Variants in NPIPB2 observed in about 807,000 individuals in gnomAD.
NPIPB2 encodes the protein nuclear pore complex-interacting protein family member B2.
NPIPB2 carries 27 observed loss-of-function variants against 30.8 expected under a neutral mutation model. The ratio of observed to expected loss-of-function variants is 0.88; its 90% CI spans 0.65 to 1.21. The LOEUF is 1.21. Among genes scored for constraint, NPIPB2 ranks in the 50% most tolerant of loss-of-function variants. The pLI, the probability that NPIPB2 is intolerant of heterozygous loss-of-function variation, is 0.00. For synonymous variants in NPIPB2, 147 were observed against 162.0 expected (o/e 0.91, Z 0.70); for missense variants, 440 against 446.2 (o/e 0.99, Z 0.13).
At chr16:11,935,715 G>C (rs2054856623) in intron 2 of NPIPB2, among the ~76,000 whole-genome samples, 1 of 148,184 alleles carries the variant, frequency 6.7e-6, no homozygotes, top group South Asian at 2.2e-4. Context: ...AGAAGCAATG[G>C]GTAATCTAAA....
Position 11,951,625 on chromosome 16 carries a change from T to TACACACACACACACACACACACAC in NPIPB2, c.-583-9535_-583-9512dup, listed in dbSNP as rs1214348316. On this transcript the variant is annotated intron_variant, in intron 1 of 5. Coordinates refer to the NPIPB2 transcript ENST00000538896. The stretch of plus-strand genomic sequence containing the variant: ...TACAGATGGACACTGCACATACACA[T>TACACACACACACACACACACACAC]ACACACACACACACACACACACACA... Among the ~76,000 whole-genome samples, 181 of 95,874 alleles carry TACACACACACACACACACACACAC rather than the reference T, an allele frequency of 1.9e-3. 2 individuals are homozygous for TACACACACACACACACACACACAC. The highest frequency in any genetic ancestry group is 8.0e-3 in the African/African-American group (172 of 21,562). 62.9% of individuals were successfully genotyped at this position (95,874 alleles called of 152,430 possible). A position where few individuals can be genotyped will look rare whatever the true frequency, so the allele number is the denominator to read the frequency against.
At chr16:11,936,062 G>T (rs3971903) in intron 2 of NPIPB2, among the ~76,000 whole-genome samples, 3 of 149,542 alleles carry the variant, frequency 2.0e-5, no homozygotes, top group African/African-American at 4.9e-5. Context: ...CCCAGCACTT[G>T]GGGAGGCTGA....
upstream of NPIPB2, among the ~76,000 whole-genome samples, chr16:11,943,572 C>A (rs1249842644): frequency 6.6e-6 from 1 of 151,152 alleles, no homozygotes; most frequent in Non-Finnish European, 1.5e-5. Context: ...CATGGTGGCA[C>A]ACGCCTGTAA....
intron 1 of NPIPB2, chr16:11,963,815 C>T (rs2055172456): frequency 6.6e-6 from 1 of 151,734 alleles, no homozygotes; most frequent in Non-Finnish European, 1.5e-5. Context: ...GTGGGTGGAT[C>T]ACTTGACCCC....
chr16:11,948,446 A>G (rs959472032), intron 1 of NPIPB2, among the ~76,000 whole-genome samples: 1 of 152,146 alleles, frequency 6.6e-6, no homozygotes, highest in African/African-American at 2.4e-5. Context: ...GTACCAATTC[A>G]TAGGAAATAC....
chr16:11,940,901 G>A (rs950833235), intron 1 of NPIPB2, among the ~76,000 whole-genome samples: 6 of 149,698 alleles, frequency 4.0e-5, no homozygotes, highest in Admixed American at 3.4e-4. Context: ...TCCAGCTCCT[G>A]GGCCCAAGCG....
upstream of NPIPB2, among the ~76,000 whole-genome samples, chr16:11,945,416 G>A (rs1276200427): frequency 6.6e-6 from 1 of 151,880 alleles, no homozygotes; most frequent in East Asian, 1.9e-4. Flanking sequence ...ACTCACACCT[G>A]TAATCTCAGC....
At chr16:11,948,644 G>A (rs1234882239) in intron 1 of NPIPB2, among the ~76,000 whole-genome samples, 2 of 150,980 alleles carry the variant, frequency 1.3e-5, no homozygotes, top group Admixed American at 6.6e-5. Flanking sequence ...GCGGGCGCCT[G>A]TAGTCCCAGC....
At chr16:11,973,782 C>T (rs947989295) in intron 1 of NPIPB2, among the ~76,000 whole-genome samples, 2 of 152,036 alleles carry the variant, frequency 1.3e-5, no homozygotes, top group African/African-American at 4.8e-5. Context: ...AGGTGTGAGC[C>T]ACCGCACCCA....
chr16:11,937,666 A>G, exon 2 of NPIPB2: 2 of 1,598,662 alleles, frequency 1.3e-6, no homozygotes, highest in Non-Finnish European at 1.7e-6. Context: ...GAGTATTGAT[A>G]ACCTGGAATA....
At chr16:11,965,018 C>A (rs747075579) in intron 1 of NPIPB2, 1 of 406,540 alleles carries the variant, frequency 2.5e-6, no homozygotes, top group Admixed American at 4.1e-5. Context: ...GCAACTGTCA[C>A]CTGGCTGAGA....
At position 11,976,555 on chromosome 16, in the gene NPIPB2, G is replaced by A. The variant is rs371637129; in HGVS notation, c.-584+13C>T. 1.1e-5 allele frequency: 4 copies of A among 358,704 alleles called. No individual in the cohort carries two copies. The South Asian group carries it at 5.9e-4, about 53-fold the overall frequency. The allele number at this position is 358,704 out of a possible 1,614,324, so 22.2% of individuals were successfully genotyped here. A position where few individuals can be genotyped will look rare whatever the true frequency, so the allele number is the denominator to read the frequency against. On this transcript the variant is annotated intron_variant, in intron 1 of 5. Coordinates refer to the NPIPB2 transcript ENST00000538896. ...GGGGACAGCGACGCCTCCTCGCGGG[G>A]TCTCGGGTTTACCCTGAGTCTCCAG...
chr16:11,950,342 A>AT (rs1360489654), intron 1 of NPIPB2, among the ~76,000 whole-genome samples: 1 of 151,750 alleles, frequency 6.6e-6, no homozygotes, highest in Admixed American at 6.6e-5. Flanking sequence ...AGCCTAATTA[A>AT]TTTTTTTCTA....
At chr16:11,975,447 A>T (rs913150333) in intron 1 of NPIPB2, among the ~76,000 whole-genome samples, 2 of 151,398 alleles carry the variant, frequency 1.3e-5, no homozygotes, top group Non-Finnish European at 2.9e-5. Context: ...GCGCCCGGCC[A>T]ATCCATCACC....
At chr16:11,927,429 C>T (rs761267408) in exon 8 of NPIPB2, 25 of 1,177,138 alleles carry the variant, frequency 2.1e-5, no homozygotes, top group East Asian at 1.3e-4. Flanking sequence ...CTCTTGGGCT[C>T]GGGTGATGAT....
chr16:11,956,482 C>G (rs1056828131), intron 1 of NPIPB2, among the ~76,000 whole-genome samples: 1 of 152,122 alleles, frequency 6.6e-6, no homozygotes, highest in Admixed American at 6.6e-5. Context: ...TTGAGACCAG[C>G]CTGACCAACA....
chr16:11,927,910 A>C, intron 7 of NPIPB2, 31 bp from the exon 8 acceptor site: 1 of 864,676 alleles, frequency 1.2e-6, no homozygotes, highest in Non-Finnish European at 1.7e-6. Context: ...ATGTTTTCAC[A>C]CATATTCATT....
intron 4 of NPIPB2, among the ~76,000 whole-genome samples, chr16:11,931,290 C>T (rs2150907657): frequency 7.3e-6 from 1 of 137,230 alleles, no homozygotes; most frequent in Admixed American, 7.5e-5. Context: ...GTTCAGTTCA[C>T]AGAGATTGAG....
intron 1 of NPIPB2, chr16:11,965,394 T>G: frequency 1.2e-6 from 2 of 1,614,232 alleles, no homozygotes; most frequent in Non-Finnish European, 1.7e-6. Context: ...TTGCATACCT[T>G]GTCAACTTCG....
Sources: gnomAD v4.1 joint callset for allele counts (sites outside exome capture counted in the v4.1 genomes callset) on GRCh38, gnomAD v4.1.1 for gene constraint, MANE v1.5 for transcripts, NCBI Gene and HGNC (gene_info 2026-07-23, HGNC 2026-07-21) for gene names.